The following CTNNA3 variants were observed in gnomAD, a reference collection of about 807,000 sequenced individuals.
CTNNA3 encodes catenin alpha 3, also known as catenin alpha-3.
In CTNNA3, 76 loss-of-function variants were observed where a neutral mutation model predicts 95.7. The observed-to-expected ratio is 0.79, with a 90% CI of 0.66 to 0.96. CTNNA3 has a LOEUF of 0.96. Among genes scored for constraint, CTNNA3 ranks in the 40% least tolerant of loss-of-function variants. The probability of loss-of-function intolerance (pLI) is 0.00; values close to 1 mark genes in which losing one functional copy is unlikely to be tolerated. For missense variants in CTNNA3, 1,191 were observed against 1,089.8 expected (o/e 1.09, Z -1.31); for synonymous variants, 431 against 374.4 (o/e 1.15, Z -1.74).
intron 10 of CTNNA3, among the ~76,000 whole-genome samples, chr10:66,525,073 A>G (rs1464807010): frequency 6.6e-6 from 1 of 151,836 alleles, no homozygotes; most frequent in Non-Finnish European, 1.5e-5. Flanking sequence ...AAAAGAAAAG[A>G]AAGAAAGAAA....
chr10:67,733,195 A>G (rs1387258794), intron 1 of CTNNA3, among the ~76,000 whole-genome samples: 4 of 152,228 alleles, frequency 2.6e-5, no homozygotes, highest in Admixed American at 1.3e-4. Flanking sequence ...ATTTTTAATT[A>G]AAAATTAATA....
At chr10:67,137,708 T>C (rs1860363917) in intron 7 of CTNNA3, among the ~76,000 whole-genome samples, 1 of 152,170 alleles carries the variant, frequency 6.6e-6, no homozygotes, top group South Asian at 2.1e-4. Context: ...TGAAATTGTG[T>C]AGGCTTGGTA....
intron 12 of CTNNA3, among the ~76,000 whole-genome samples, chr10:66,373,163 AG>A (rs778986474): frequency 6.6e-6 from 1 of 152,164 alleles, no homozygotes; most frequent in Non-Finnish European, 1.5e-5. Flanking sequence ...AGGTGAGAAA[AG>A]ATTTTGCATC....
intron 3 of CTNNA3, among the ~76,000 whole-genome samples, chr10:67,572,537 A>G (rs557140927): frequency 9.9e-5 from 15 of 152,200 alleles, no homozygotes; most frequent in Non-Finnish European, 1.8e-4. Flanking sequence ...GGATTTGATG[A>G]GACCACCATA....
At chr10:66,947,428 G>A (rs977913096) in intron 7 of CTNNA3, among the ~76,000 whole-genome samples, 1 of 152,068 alleles carries the variant, frequency 6.6e-6, no homozygotes, top group Non-Finnish European at 1.5e-5. Flanking sequence ...GAGGGTCCAT[G>A]GGGAAAGGGG....
chr10:66,356,188 T>C (rs1379142469), intron 12 of CTNNA3, among the ~76,000 whole-genome samples: 1 of 150,362 alleles, frequency 6.7e-6, no homozygotes, highest in Non-Finnish European at 1.5e-5. Flanking sequence ...ATTTTTGTAA[T>C]TCTTTCTTTA....
At chr10:66,454,631 A>G (rs1589274801) in intron 11 of CTNNA3, among the ~76,000 whole-genome samples, 1 of 57,898 alleles carries the variant, frequency 1.7e-5, no homozygotes, top group Non-Finnish European at 3.2e-5. Flanking sequence ...TGATGATGTC[A>G]ATTGTTAGTT....
At chr10:66,003,681 G>C (rs2078818497) in intron 15 of CTNNA3, among the ~76,000 whole-genome samples, 1 of 152,150 alleles carries the variant, frequency 6.6e-6, no homozygotes, top group African/African-American at 2.4e-5. Context: ...TAGTAAAACA[G>C]ACTATTTTCT....
At chr10:67,163,388 A>C (rs1381506099) in intron 7 of CTNNA3, among the ~76,000 whole-genome samples, 2 of 152,048 alleles carry the variant, frequency 1.3e-5, no homozygotes, top group Non-Finnish European at 2.9e-5. Flanking sequence ...ATTGATGCAG[A>C]AAAGGCATTT....
chr10:66,096,995 G>C (rs1360109439), intron 14 of CTNNA3, among the ~76,000 whole-genome samples: 2 of 152,088 alleles, frequency 1.3e-5, no homozygotes, highest in Admixed American at 1.3e-4. Flanking sequence ...CAACTATTGG[G>C]TCAACTTTTC....
intron 1 of CTNNA3, among the ~76,000 whole-genome samples, chr10:67,668,176 T>C (rs894962332): frequency 6.6e-6 from 1 of 152,058 alleles, no homozygotes; most frequent in Non-Finnish European, 1.5e-5. Context: ...CTCAATTCTA[T>C]TTGTAGATTA....
At chr10:66,991,495 A>T (rs142930814) in intron 7 of CTNNA3, among the ~76,000 whole-genome samples, 26 of 152,300 alleles carry the variant, frequency 1.7e-4, no homozygotes, top group African/African-American at 6.3e-4. Context: ...ATATTTAAAC[A>T]TTATAAAGTA....
intron 9 of CTNNA3, among the ~76,000 whole-genome samples, chr10:66,643,610 A>G (rs1845591251): frequency 6.6e-6 from 1 of 152,092 alleles, no homozygotes; most frequent in Non-Finnish European, 1.5e-5. Flanking sequence ...ATAATTCCCC[A>G]TGGTCCCTTG....
At chr10:67,517,584 A>G (rs1839859834) in intron 5 of CTNNA3, among the ~76,000 whole-genome samples, 2 of 152,164 alleles carry the variant, frequency 1.3e-5, no homozygotes, top group African/African-American at 4.8e-5. Context: ...CAATACCTGA[A>G]GCATAAGGGA....
chr10:67,179,507 A>C (rs1410163999), intron 7 of CTNNA3, among the ~76,000 whole-genome samples: 1 of 151,456 alleles, frequency 6.6e-6, no homozygotes, highest in Non-Finnish European at 1.5e-5. Context: ...AAAAAAAAAA[A>C]AAAAAAACTA....
At chr10:66,237,495 A>AG (rs11446770) in intron 13 of CTNNA3, among the ~76,000 whole-genome samples, 122,708 of 151,956 alleles carry the variant, frequency 0.81, 49,892 homozygotes, top group South Asian at 0.94. Context: ...AGCAATTTGA[A>AG]GCATGATTGG....
At chr10:65,947,738 G>A (rs1449516430) in intron 17 of CTNNA3, among the ~76,000 whole-genome samples, 1 of 152,210 alleles carries the variant, frequency 6.6e-6, no homozygotes, top group African/African-American at 2.4e-5. Flanking sequence ...GTAGCTGTTT[G>A]TTACCACAGC....
chr10:66,741,950 G>T (rs1281932144), intron 9 of CTNNA3, among the ~76,000 whole-genome samples: 6 of 152,112 alleles, frequency 3.9e-5, no homozygotes, highest in Non-Finnish European at 8.8e-5. Flanking sequence ...TGTGTTAACT[G>T]CACAAATTGT....
intron 7 of CTNNA3, among the ~76,000 whole-genome samples, chr10:66,973,854 C>T (rs1849869145): frequency 6.6e-6 from 1 of 152,106 alleles, no homozygotes; most frequent in South Asian, 2.1e-4. Context: ...GAACTCCTGA[C>T]CTCAAGATTT....
Sources: gnomAD v4.1 joint callset for allele counts (sites outside exome capture counted in the v4.1 genomes callset) on GRCh38, gnomAD v4.1.1 for gene constraint, MANE v1.5 for transcripts, NCBI Gene and HGNC (gene_info 2026-07-23, HGNC 2026-07-21) for gene names.